The following CTNNA2 variants were observed in gnomAD, a reference collection of about 807,000 sequenced individuals.
CTNNA2 encodes the protein catenin alpha-2.
In CTNNA2, 42 loss-of-function variants were observed where a neutral mutation model predicts 101.0. That is an observed-to-expected ratio of 0.42 (90% CI 0.32 to 0.54). The LOEUF (loss-of-function observed/expected upper bound fraction) is 0.54, where lower values mean the gene tolerates loss of function less well. Ranked by LOEUF, CTNNA2 falls within the 20% of genes least tolerant of loss-of-function variation. CTNNA2 has a pLI of 0.14. For synonymous variants in CTNNA2, 450 were observed against 456.4 expected, an observed-to-expected ratio of 0.99 and a Z score of 0.18; for missense variants, 871 against 1,223.1, an observed-to-expected ratio of 0.71 and a Z score of 4.29.
intron 4 of CTNNA2, among the ~76,000 whole-genome samples, chr2:79,469,197 A>G (rs1190245965): frequency 1.3e-5 from 2 of 152,224 alleles, no homozygotes; most frequent in Non-Finnish European, 2.9e-5. Context: ...TAAAGAGGAT[A>G]TCACCTCTGA....
chr2:80,376,625 G>A (rs925356143), intron 7 of CTNNA2, among the ~76,000 whole-genome samples: 5 of 151,958 alleles, frequency 3.3e-5, no homozygotes, highest in Admixed American at 2.0e-4. Flanking sequence ...GCATCATGGT[G>A]GAGAGGACAT....
chr2:80,481,396 G>T (rs1686130231), intron 9 of CTNNA2, among the ~76,000 whole-genome samples: 2 of 152,180 alleles, frequency 1.3e-5, no homozygotes, highest in Admixed American at 6.6e-5. Flanking sequence ...TAGGGTTGTT[G>T]TTAAGGGAAC....
intron 6 of CTNNA2, among the ~76,000 whole-genome samples, chr2:79,879,405 T>A (rs1173073257): frequency 1.3e-5 from 2 of 152,168 alleles, no homozygotes; most frequent in African/African-American, 2.4e-5. Flanking sequence ...TAAATTACTC[T>A]GGGCAGTATG....
At chr2:80,385,937 C>G (rs1006289087) in intron 7 of CTNNA2, among the ~76,000 whole-genome samples, 7 of 152,078 alleles carry the variant, frequency 4.6e-5, no homozygotes, top group African/African-American at 1.7e-4. Context: ...TGTTCCCTGC[C>G]CACAGAGTCT....
intron 4 of CTNNA2, among the ~76,000 whole-genome samples, chr2:79,402,367 C>T (rs1256719602): frequency 1.3e-5 from 2 of 151,698 alleles, no homozygotes; most frequent in South Asian, 4.1e-4. Flanking sequence ...ACGCAATAGT[C>T]CCCTTTATCT....
intron 1 of CTNNA2, among the ~76,000 whole-genome samples, chr2:79,191,386 A>T (rs2104160678): frequency 1.3e-5 from 2 of 152,296 alleles, no homozygotes; most frequent in South Asian, 4.1e-4. Flanking sequence ...GGATGAGACA[A>T]TTAACTGTTG....
At chr2:80,005,699 A>G (rs1187998084) in intron 7 of CTNNA2, among the ~76,000 whole-genome samples, 1 of 152,018 alleles carries the variant, frequency 6.6e-6, no homozygotes, top group African/African-American at 2.4e-5. Flanking sequence ...GGTCAGCTGC[A>G]TGCTCAATTT....
At chr2:79,394,110 C>T (rs75278869) in intron 4 of CTNNA2, among the ~76,000 whole-genome samples, 1,647 of 152,168 alleles carry the variant, frequency 0.011, 36 homozygotes, top group African/African-American at 0.037. Context: ...GGGGAGTTCA[C>T]GGGGAGAAAG....
intron 7 of CTNNA2, among the ~76,000 whole-genome samples, chr2:80,233,640 A>G (rs1327046439): frequency 6.6e-6 from 1 of 152,202 alleles, no homozygotes; most frequent in African/African-American, 2.4e-5. Flanking sequence ...AGGTAATGCT[A>G]TCATATTTTG....
At chr2:80,027,157 C>T (rs570449193) in intron 7 of CTNNA2, among the ~76,000 whole-genome samples, 6 of 152,232 alleles carry the variant, frequency 3.9e-5, no homozygotes, top group Admixed American at 2.0e-4. Context: ...CATGCAGTGC[C>T]GCTCTGAGAA....
chr2:79,862,061 A>G, intron 4 of CTNNA2, among the ~76,000 whole-genome samples: 1 of 152,176 alleles, frequency 6.6e-6, no homozygotes, highest in East Asian at 1.9e-4. Context: ...GCTCTGAACT[A>G]GTGTAATCAG....
chr2:80,447,305 T>C (rs1352370158), intron 9 of CTNNA2, among the ~76,000 whole-genome samples: 2 of 152,206 alleles, frequency 1.3e-5, no homozygotes, highest in Non-Finnish European at 2.9e-5. Flanking sequence ...ATATGTGTAA[T>C]GGGCGTACAT....
chr2:79,709,385 T>C (rs1405690485), intron 2 of CTNNA2, among the ~76,000 whole-genome samples: 1 of 152,132 alleles, frequency 6.6e-6, no homozygotes. Context: ...ACTGAGTACA[T>C]GAAAGATATA....
intron 3 of CTNNA2, among the ~76,000 whole-genome samples, chr2:79,805,952 A>T (rs1465833213): frequency 6.6e-6 from 1 of 151,786 alleles, no homozygotes; most frequent in African/African-American, 2.4e-5. Flanking sequence ...AAAAAAAAAG[A>T]TAAGTTTATA....
chr2:79,641,698 A>C (rs1025327798), intron 1 of CTNNA2, among the ~76,000 whole-genome samples: 2 of 152,212 alleles, frequency 1.3e-5, no homozygotes, highest in African/African-American at 4.8e-5. Context: ...ACAACCCATA[A>C]TTTAGGAGTA....
intron 3 of CTNNA2, among the ~76,000 whole-genome samples, chr2:79,821,669 G>C (rs1511192): frequency 0.52 from 79,553 of 152,106 alleles, 24,734 homozygotes; most frequent in African/African-American, 0.84. Context: ...GGCAAGAGAG[G>C]AATACATGTA....
chr2:79,598,934 G>T (rs1406037718), intron 1 of CTNNA2, among the ~76,000 whole-genome samples: 1 of 151,966 alleles, frequency 6.6e-6, no homozygotes, highest in Admixed American at 6.6e-5. Context: ...TTATAGTTTT[G>T]CATTTTATGT....
chr2:80,306,437 TTTC>T, intron 7 of CTNNA2, among the ~76,000 whole-genome samples: 1 of 148,058 alleles, frequency 6.8e-6, no homozygotes, highest in Non-Finnish European at 1.5e-5. Flanking sequence ...TCTTTCTTTC[TTTC>T]TTTCTTTCTT....
At chr2:79,230,238 G>A (rs1674472727) in intron 2 of CTNNA2, among the ~76,000 whole-genome samples, 3 of 152,218 alleles carry the variant, frequency 2.0e-5, no homozygotes, top group Non-Finnish European at 4.4e-5. Context: ...CACAGGCCCA[G>A]AGGCATAGGA....
Sources: allele counts gnomAD v4.1 joint callset (sites outside exome capture counted in the v4.1 genomes callset), GRCh38; gene constraint gnomAD v4.1.1; transcripts MANE v1.5; gene names NCBI Gene and HGNC (gene_info 2026-07-23, HGNC 2026-07-21).